ASPRV1: variants seen among roughly 807,000 people sequenced by gnomAD.
ASPRV1 encodes the protein retroviral-like aspartic protease 1.
In ASPRV1, 7 loss-of-function variants were observed where a neutral mutation model predicts 11.0. The ratio of observed to expected loss-of-function variants is 0.64; its 90% CI spans 0.36 to 1.20. The LOEUF is 1.20. Ranked by LOEUF, ASPRV1 falls within the 50% of genes most tolerant of loss-of-function variation. The pLI, the probability that ASPRV1 is intolerant of heterozygous loss-of-function variation, is 0.02. For synonymous variants in ASPRV1, 136 were observed against 138.4 expected (o/e 0.98, Z 0.12); for missense variants, 299 against 320.0 (o/e 0.93, Z 0.50).
chr2:70,043,490 G>A, the ASPRV1 span, among the ~76,000 whole-genome samples: 1 of 152,064 alleles, frequency 6.6e-6, no homozygotes, highest in African/African-American at 2.4e-5. Flanking sequence ...CAGCTCTTTT[G>A]GCTCCACAAA....
At chr2:70,001,976 C>T in the ASPRV1 span, among the ~76,000 whole-genome samples, 2 of 152,050 alleles carry the variant, frequency 1.3e-5, no homozygotes, top group Non-Finnish European at 2.9e-5. Context: ...ATAGAACAGA[C>T]GTACAGTATG....
the ASPRV1 span, among the ~76,000 whole-genome samples, chr2:69,973,016 C>T: frequency 1.3e-5 from 2 of 152,048 alleles, no homozygotes; most frequent in African/African-American, 4.8e-5. Flanking sequence ...CTGGCCACTC[C>T]TCAGACTAAG....
the ASPRV1 span, among the ~76,000 whole-genome samples, chr2:70,070,037 G>A: frequency 5.9e-5 from 9 of 152,010 alleles, no homozygotes; most frequent in Non-Finnish European, 1.0e-4. Flanking sequence ...AAATGAGCCA[G>A]GCGTGGTGGC....
At chr2:69,952,250 C>T in the ASPRV1 span, among the ~76,000 whole-genome samples, 1 of 152,186 alleles carries the variant, frequency 6.6e-6, no homozygotes, top group Non-Finnish European at 1.5e-5. Flanking sequence ...AATTGCCTGG[C>T]CGGGTGCAGT....
chr2:70,022,971 C>T, the ASPRV1 span, among the ~76,000 whole-genome samples: 3 of 152,174 alleles, frequency 2.0e-5, no homozygotes, highest in Non-Finnish European at 1.5e-5. Context: ...CAGTTTCCAA[C>T]ACACCTTCCC....
the ASPRV1 span, among the ~76,000 whole-genome samples, chr2:69,998,814 A>G: frequency 6.6e-6 from 1 of 152,178 alleles, no homozygotes; most frequent in East Asian, 1.9e-4. Flanking sequence ...CCCGCAGGAA[A>G]TGCTCGAAAG....
the ASPRV1 span, among the ~76,000 whole-genome samples, chr2:69,944,551 G>A: frequency 4.6e-5 from 7 of 152,202 alleles, no homozygotes; most frequent in African/African-American, 7.2e-5. Flanking sequence ...GACTGGAAGC[G>A]TCAGCAGCCG....
chr2:70,024,527 C>T, the ASPRV1 span, among the ~76,000 whole-genome samples: 1 of 152,308 alleles, frequency 6.6e-6, no homozygotes, highest in African/African-American at 2.4e-5. Flanking sequence ...TACTTGCCTC[C>T]CCAAGGGGCA....
At chr2:69,984,011 TTTC>T in the ASPRV1 span, among the ~76,000 whole-genome samples, 1 of 152,192 alleles carries the variant, frequency 6.6e-6, no homozygotes, top group African/African-American at 2.4e-5. Flanking sequence ...GATTCAACCC[TTTC>T]TTCAACTCTA....
the ASPRV1 span, among the ~76,000 whole-genome samples, chr2:69,973,974 CACA>C: frequency 2.4e-4 from 37 of 152,234 alleles, no homozygotes; most frequent in South Asian, 1.0e-3. Flanking sequence ...AGCACAGTAA[CACA>C]ACATTATATA....
chr2:69,958,290 A>T (rs1677985482), downstream of ASPRV1, among the ~76,000 whole-genome samples: 1 of 151,706 alleles, frequency 6.6e-6, no homozygotes, highest in African/African-American at 2.4e-5. Flanking sequence ...CATGCTTCAG[A>T]TGTCACAGAC....
the ASPRV1 span, chr2:70,073,050 G>A: frequency 6.6e-6 from 1 of 152,118 alleles, no homozygotes; most frequent in Non-Finnish European, 1.5e-5. Context: ...CAGCCTGTGT[G>A]ACAGAGCAAG....
chr2:70,072,465 G>A, the ASPRV1 span, among the ~76,000 whole-genome samples: 2 of 150,180 alleles, frequency 1.3e-5, no homozygotes. Context: ...GCTCACGCCT[G>A]TAATCCCAGC....
chr2:69,961,838 A>T (rs1678130640), upstream of ASPRV1: 2 of 839,906 alleles, frequency 2.4e-6, no homozygotes, highest in South Asian at 3.5e-5. Context: ...CCTCTGTTGA[A>T]GGGGGACTAC....
At chr2:69,980,527 C>T in the ASPRV1 span, among the ~76,000 whole-genome samples, 89 of 152,206 alleles carry the variant, frequency 5.8e-4, no homozygotes, top group African/African-American at 2.0e-3. Flanking sequence ...AATATTCACA[C>T]CCTAAATACA....
the ASPRV1 span, among the ~76,000 whole-genome samples, chr2:70,081,832 G>A: frequency 6.6e-6 from 1 of 151,816 alleles, no homozygotes; most frequent in Non-Finnish European, 1.5e-5. Context: ...TGATCCTCCT[G>A]CTTCAGCCTC....
In ASPRV1 at chr2:69,960,609, G is replaced by T. The variant is rs757722359; in HGVS notation, c.*48C>A. 2 of 1,546,506 alleles carry T rather than the reference G, an allele frequency of 1.3e-6. No homozygotes were observed. Among genetic ancestry groups the T allele is most frequent in the East Asian group, 2.3e-5 (1 of 44,410 alleles). On this transcript the variant is annotated 3_prime_UTR_variant, in exon 1 of 1. Coordinates refer to ENST00000320256, the MANE Select transcript of ASPRV1 (RefSeq NM_152792.4). ...GAGGATATGCAACCCCCCCCACAGC[G>T]GTGGGTCTTCCCACCAATATTTAGG...
At chr2:69,958,257 A>G (rs895417917), downstream of ASPRV1, among the ~76,000 whole-genome samples, 3 of 151,634 alleles carry the variant, frequency 2.0e-5, no homozygotes, top group African/African-American at 4.8e-5. Flanking sequence ...GAAGCACCAC[A>G]TGGTCCCTTC....
At chr2:70,051,119 C>T in the ASPRV1 span, 5 of 152,240 alleles carry the variant, frequency 3.3e-5, no homozygotes, top group Non-Finnish European at 7.4e-5. Context: ...ATTTATTCCT[C>T]ACAATAACCC....
Sources: gnomAD v4.1 joint callset for allele counts (sites outside exome capture counted in the v4.1 genomes callset) on GRCh38, gnomAD v4.1.1 for gene constraint, MANE v1.5 for transcripts, NCBI Gene and HGNC (gene_info 2026-07-23, HGNC 2026-07-21) for gene names.